The following ZNF704 variants were observed in gnomAD, a reference collection of about 807,000 sequenced individuals.
ZNF704 encodes zinc finger protein 704.
A neutral mutation model predicts 44.7 loss-of-function variants in ZNF704; 10 were observed. The observed-to-expected ratio is 0.22, with a 90% CI of 0.14 to 0.38. The LOEUF is 0.38. Among genes scored for constraint, ZNF704 ranks in the 10% least tolerant of loss-of-function variants. The probability of loss-of-function intolerance (pLI) is 1.00; values close to 1 mark genes in which losing one functional copy is unlikely to be tolerated. For synonymous variants in ZNF704, 211 were observed against 207.6 expected, an observed-to-expected ratio of 1.02 and a Z score of -0.14; for missense variants, 390 against 545.5, an observed-to-expected ratio of 0.71 and a Z score of 2.84.
intron 1 of ZNF704, among the ~76,000 whole-genome samples, chr8:80,858,833 G>A (rs562346046): frequency 6.6e-6 from 1 of 152,142 alleles, no homozygotes; most frequent in Non-Finnish European, 1.5e-5. Flanking sequence ...TACATGATAT[G>A]ATTTCAATTC....
At chr8:80,731,777 A>C (rs1806585852) in intron 2 of ZNF704, among the ~76,000 whole-genome samples, 1 of 152,106 alleles carries the variant, frequency 6.6e-6, no homozygotes, top group Admixed American at 6.6e-5. Context: ...AAAAACAAAC[A>C]AACCAGAAAA....
chr8:80,847,389 T>C (rs956287590), intron 1 of ZNF704, among the ~76,000 whole-genome samples: 1 of 152,068 alleles, frequency 6.6e-6, no homozygotes, highest in African/African-American at 2.4e-5. Flanking sequence ...ATAGTAAAAA[T>C]GTCAATTCTC....
chr8:80,682,435 A>G (rs1246878065), intron 4 of ZNF704, among the ~76,000 whole-genome samples: 1 of 152,252 alleles, frequency 6.6e-6, no homozygotes, highest in Non-Finnish European at 1.5e-5. Flanking sequence ...GCTGAAATTT[A>G]GAAATTGCCT....
chr8:80,877,256 CAAA>C (rs941715826), upstream of ZNF704, among the ~76,000 whole-genome samples: 1 of 140,598 alleles, frequency 7.1e-6, no homozygotes, highest in South Asian at 2.4e-4. Flanking sequence ...AGGCTAATGT[CAAA>C]AAAGAGGTTT....
chr8:80,826,972 T>C (rs1808388689), intron 1 of ZNF704, among the ~76,000 whole-genome samples: 1 of 152,186 alleles, frequency 6.6e-6, no homozygotes, highest in East Asian at 1.9e-4. Flanking sequence ...AATATCATAC[T>C]GAGTGGGCAA....
chr8:80,747,189 C>T (rs1585998428), intron 2 of ZNF704, among the ~76,000 whole-genome samples: 1 of 152,044 alleles, frequency 6.6e-6, no homozygotes, highest in African/African-American at 2.4e-5. Flanking sequence ...CTGGGATTTG[C>T]TAAATTCACG....
At chr8:80,831,387 T>C (rs1163006200) in intron 1 of ZNF704, among the ~76,000 whole-genome samples, 3 of 152,194 alleles carry the variant, frequency 2.0e-5, no homozygotes, top group African/African-American at 4.8e-5. Context: ...ATTTGTACAA[T>C]GCCCTGGTGA....
intron 1 of ZNF704, among the ~76,000 whole-genome samples, chr8:80,862,599 A>G (rs1809085015): frequency 6.9e-6 from 1 of 144,280 alleles, no homozygotes; most frequent in South Asian, 2.2e-4. Context: ...GTCTCTACCA[A>G]AAAAAAAAAA....
chr8:80,783,380 C>A (rs754574457), intron 2 of ZNF704, among the ~76,000 whole-genome samples: 1 of 152,170 alleles, frequency 6.6e-6, no homozygotes, highest in Non-Finnish European at 1.5e-5. Flanking sequence ...TGGTTTGTTA[C>A]ATGGGTAAAT....
chr8:80,837,214 G>C (rs1339384999), intron 1 of ZNF704, among the ~76,000 whole-genome samples: 1 of 152,018 alleles, frequency 6.6e-6, no homozygotes, highest in East Asian at 1.9e-4. Flanking sequence ...ATAGTAATTT[G>C]GGGGGAAGAA....
chr8:80,679,197 C>A (rs1408822813), intron 4 of ZNF704, among the ~76,000 whole-genome samples: 2 of 152,122 alleles, frequency 1.3e-5, no homozygotes, highest in Admixed American at 1.3e-4. Flanking sequence ...CCTGTCTACA[C>A]CTTTGTAAAG....
intron 2 of ZNF704, among the ~76,000 whole-genome samples, chr8:80,784,111 C>A (rs1350799874): frequency 3.3e-5 from 5 of 152,132 alleles, no homozygotes; most frequent in Non-Finnish European, 7.3e-5. Flanking sequence ...TAGCTCCTGC[C>A]TTTTTAGCAC....
At chr8:80,841,514 A>T (rs1463579342) in intron 1 of ZNF704, among the ~76,000 whole-genome samples, 4 of 152,178 alleles carry the variant, frequency 2.6e-5, no homozygotes, top group Non-Finnish European at 5.9e-5. Context: ...CTACTGCAAT[A>T]ACTTCTCACT....
chr8:80,877,082 T>A (rs1383794038), upstream of ZNF704, among the ~76,000 whole-genome samples: 1 of 150,978 alleles, frequency 6.6e-6, no homozygotes, highest in Admixed American at 6.6e-5. Context: ...AATTGCTGTA[T>A]ATGCTTTGAA....
chr8:80,866,231 T>C (rs1369639499), intron 1 of ZNF704, among the ~76,000 whole-genome samples: 1 of 152,218 alleles, frequency 6.6e-6, no homozygotes, highest in Non-Finnish European at 1.5e-5. Context: ...TTTGGGCAGA[T>C]CTAATCTTGA....
chr8:80,818,797 G>T (rs982246560), intron 2 of ZNF704, among the ~76,000 whole-genome samples: 5 of 152,004 alleles, frequency 3.3e-5, no homozygotes, highest in Admixed American at 3.3e-4. Context: ...TTTCTTCTTA[G>T]TAAACAAAAG....
chr8:80,844,944 T>C (rs1265302253), intron 1 of ZNF704, among the ~76,000 whole-genome samples: 1 of 152,022 alleles, frequency 6.6e-6, no homozygotes, highest in Non-Finnish European at 1.5e-5. Flanking sequence ...CCTCCCAAAG[T>C]GCTGGTATTA....
rs1441662880 is a variant in ZNF704, at chr8:80,873,708, G to C, written c.-22+863C>G. On this transcript the variant is annotated intron_variant, in intron 1 of 8. Transcript: ENST00000327835. ...TCATCCTCCTCCTCCGCGCCCCCTC[G>C]GGGCTTCTCCTCCACACGCCCGAGC... The C allele has an allele frequency of 1.8e-4, 28 of 154,364 alleles. 1 individual carries two copies. The South Asian group carries it at 3.8e-3, about 21-fold the overall frequency. The allele number at this position is 154,364 out of a possible 1,614,324, so 9.6% of individuals were successfully genotyped here. A position where few individuals can be genotyped will look rare whatever the true frequency, so the allele number is the denominator to read the frequency against.
chr8:80,774,088 C>T (rs957571527), intron 2 of ZNF704, among the ~76,000 whole-genome samples: 35 of 150,590 alleles, frequency 2.3e-4, no homozygotes, highest in South Asian at 1.1e-3. Context: ...CACTCTGTTG[C>T]GCCGACTGCC....
Sources: gnomAD v4.1 joint callset for allele counts (sites outside exome capture counted in the v4.1 genomes callset) on GRCh38, gnomAD v4.1.1 for gene constraint, MANE v1.5 for transcripts, NCBI Gene and HGNC (gene_info 2026-07-23, HGNC 2026-07-21) for gene names.